The following GPR50 variants were observed in gnomAD, a reference collection of about 807,000 sequenced individuals.
GPR50 encodes the protein melatonin-related receptor.
Under a neutral mutation model 2.6 loss-of-function variants are expected in GPR50, and 1 was observed. That is an observed-to-expected ratio of 0.38 (90% confidence interval 0.13 to 1.79). The LOEUF is 1.79. Ranked by LOEUF, GPR50 falls within the 40% of genes most tolerant of loss-of-function variation. The probability of loss-of-function intolerance (pLI) is 0.33; values close to 1 mark genes in which losing one functional copy is unlikely to be tolerated. For missense variants in GPR50, 535 were observed against 522.1 expected (o/e 1.02, Z -0.24); for synonymous variants, 233 against 202.3 (o/e 1.15, Z -1.29).
rs1228745012 is a variant in GPR50, at chrX:151,176,613, G to A, written c.-109G>A. The A allele has an allele frequency of 1.4e-5, 7 of 492,212 alleles. No homozygotes were observed. The highest frequency in any genetic ancestry group is 2.4e-5 in the Non-Finnish European group (7 of 291,711). 40.6% of individuals were successfully genotyped at this position (492,212 alleles called of 1,213,427 possible). A position where few individuals can be genotyped will look rare whatever the true frequency, so the allele number is the denominator to read the frequency against. Reference sequence around the variant, plus strand: ...TCATTTGCTCTCTGACTCTCAGAGAGGGAGGCACGCTTTCCTGGAGCTCCT... The same window carrying A: ...TCATTTGCTCTCTGACTCTCAGAGAAGGAGGCACGCTTTCCTGGAGCTCCT... On this transcript the variant is annotated 5_prime_UTR_variant, in exon 1 of 2. Coordinates refer to ENST00000218316, the MANE Select transcript of GPR50 (RefSeq NM_004224.3).
At position 151,180,158 on chromosome X, in the gene GPR50, T is replaced by C. The variant is rs1192300901; in HGVS notation, c.575T>C (p.Ile192Thr). The C allele has an allele frequency of 1.7e-6, 2 of 1,205,240 alleles. No individual in the cohort carries two copies. Residue 192 changes from isoleucine to threonine, a missense_variant, in exon 2 of 2, where the codon ATC (isoleucine) becomes ACC (threonine). Ile to Thr is a moderately conservative substitution (Grantham distance 89). Transcript: ENST00000218316. ...AACAACCCTGTCTTCACTGTTACCA[T>C]CGTCTGCATCCACTTCGTCCTCCCT... The part of the protein sequence containing the change: ...YLNNPVFTVT[I>T]VCIHFVLPLL...
intron 1 of GPR50, among the ~76,000 whole-genome samples, chrX:151,178,223 G>A (rs2048692287): frequency 8.9e-6 from 1 of 112,208 alleles, no homozygotes; most frequent in African/African-American, 3.2e-5. Flanking sequence ...TACTTTGCTT[G>A]GGCAAGGAGT....
At position 151,180,590 on chromosome X, in the gene GPR50, C is replaced by A. The variant is rs200876781; in HGVS notation, c.1007C>A (p.Ala336Asp). The A allele has an allele frequency of 8.3e-7, 1 of 1,208,219 alleles. No homozygotes were observed. The highest frequency in any genetic ancestry group is 2.2e-5 in the Admixed American group (1 of 45,822). ...GAGATGCAGGAGGCCCGTACCCTGG[C>A]CCGCGCCCGTGCCCATGCTCGCGAC... is the stretch of plus-strand genomic sequence containing the variant. ...IREMQEARTLARARAHARDQA... is the reference protein window; with the variant it reads ...IREMQEARTLDRARAHARDQA... Residue 336 changes from alanine to aspartate, a missense_variant, in exon 2 of 2, where the codon GCC becomes GAC. Physicochemically the swap from Ala to Asp is moderately radical, Grantham distance 126. Coordinates refer to ENST00000218316, the MANE Select transcript of GPR50 (RefSeq NM_004224.3).
chrX:151,179,719 A>C (rs1442987024), intron 1 of GPR50, 52 bp from the exon 2 acceptor site: 15 of 897,410 alleles, frequency 1.7e-5, no homozygotes, highest in Non-Finnish European at 2.3e-5. Context: ...TACTTAAACC[A>C]CTTATTCTTC....
At position 151,176,595 on chromosome X, in the gene GPR50, C is replaced by T; in HGVS notation, c.-127C>T. 1 of 456,923 alleles carries T rather than the reference C, an allele frequency of 2.2e-6. No homozygotes were observed. The highest frequency in any genetic ancestry group is 4.1e-5 in the South Asian group (1 of 24,612). The allele number at this position is 456,923 out of a possible 1,213,427, so 37.7% of individuals were successfully genotyped here. On this transcript the variant is annotated 5_prime_UTR_variant, in exon 1 of 2. Transcript: ENST00000218316. Reference sequence around the variant, plus strand: ...GAGAGGGGCGGGATGCTGTCATTTGCTCTCTGACTCTCAGAGAGGGAGGCA... The same window carrying T: ...GAGAGGGGCGGGATGCTGTCATTTGTTCTCTGACTCTCAGAGAGGGAGGCA...
In GPR50 at chrX:151,180,925, G is replaced by A. The variant is rs374023233; in HGVS notation, c.1342G>A (p.Ala448Thr). Reference sequence around the variant, plus strand: ...TAAGCCTGCCTCTGTCCATTTCAAGGCTGACTCTGTCCATTTCAAGGGTGA... The same window carrying A: ...TAAGCCTGCCTCTGTCCATTTCAAGACTGACTCTGTCCATTTCAAGGGTGA... Reference protein sequence around the residue: ...YPKPASVHFKADSVHFKGDSV... With the variant: ...YPKPASVHFKTDSVHFKGDSV... Residue 448 changes from alanine (A) to threonine (T), a missense_variant, in exon 2 of 2, where the codon GCT (alanine) becomes ACT (threonine). Physicochemically the swap from Ala to Thr is moderately conservative, Grantham distance 58. Coordinates refer to ENST00000218316, the MANE Select transcript of GPR50 (RefSeq NM_004224.3). The A allele has an allele frequency of 8.3e-7, 1 of 1,208,200 alleles. No homozygotes were observed. The highest frequency in any genetic ancestry group is 1.8e-5 in the African/African-American group (1 of 56,511).
chrX:151,176,672 G>T lies in GPR50; in HGVS notation c.-50G>T, dbSNP rs759079526. The T allele has an allele frequency of 3.2e-6, 3 of 927,325 alleles. No individual in the cohort carries two copies. The South Asian group carries it at 7.2e-5, about 22-fold the overall frequency. The allele number at this position is 927,325 out of a possible 1,213,427, so 76.4% of individuals were successfully genotyped here. ...AACAGGTGTTTGCTGTCTGGACCTG[G>T]CTGCTGATCCTGAGCCTGCTGGGAG... On this transcript the variant is annotated 5_prime_UTR_variant, in exon 1 of 2. Coordinates refer to ENST00000218316, the MANE Select transcript of GPR50 (RefSeq NM_004224.3).
At chrX:151,181,673 A>G (rs1214834619), downstream of GPR50, among the ~76,000 whole-genome samples, 1 of 111,650 alleles carries the variant, frequency 9.0e-6, no homozygotes, top group Non-Finnish European at 1.9e-5. Context: ...CAAGTTTGAC[A>G]TCTGTTGTTC....
downstream of GPR50, chrX:151,181,518 T>G: frequency 4.6e-6 from 3 of 649,398 alleles, no homozygotes; most frequent in Non-Finnish European, 7.2e-6. Flanking sequence ...GATGCCTTAC[T>G]GCATCTAGAC....
Position 151,181,356 on chromosome X carries a change from T to C in GPR50, c.1773T>C (p.Thr591=). The C allele has an allele frequency of 8.3e-7, 1 of 1,199,139 alleles. No individual in the cohort carries two copies. Among genetic ancestry groups the C allele is most frequent in the Non-Finnish European group, 1.1e-6 (1 of 884,805 alleles). The change falls in exon 2 of 2, where the codon ACT becomes ACC. Residue 591 remains threonine (T), a synonymous_variant. Transcript: ENST00000218316. Reference sequence around the variant, plus strand: ...CCATCGCTGACCTTCCTGACCCTACTGTAGTCACTACCAGTACCAATGATT... The same window carrying C: ...CCATCGCTGACCTTCCTGACCCTACCGTAGTCACTACCAGTACCAATGATT... ...SDTIADLPDP[T]VVTTSTNDYH...
At position 151,176,779 on chromosome X, in the gene GPR50, C is replaced by G. The variant is rs1190783820; in HGVS notation, c.58C>G (p.Gln20Glu). Residue 20 changes from glutamine (Q) to glutamate (E), a missense_variant, in exon 1 of 2, where the codon CAG becomes GAG. Physicochemically the swap from Gln to Glu is conservative, Grantham distance 29 (BLOSUM62 2). Coordinates refer to ENST00000218316, the MANE Select transcript of GPR50 (RefSeq NM_004224.3). ...TGGCTGTATTGGCTGTAAGCTACCC[C>G]AGCCAGAATACCCACCGGCTCTAAT... The part of the protein sequence containing the change: ...PYGCIGCKLP[Q>E]PEYPPALIIF... The G allele has an allele frequency of 1.7e-6, 2 of 1,203,064 alleles. No individual in the cohort carries two copies. The highest frequency in any genetic ancestry group is 3.0e-5 in the East Asian group (1 of 33,585).
rs369378152 is a variant in GPR50 at position 151,180,401 on chromosome X, A to G, written c.818A>G (p.Asn273Ser). ...SPKEMAGKIP[N>S]WLYLAAYFIA... ...AAGGAGATGGCAGGCAAGATCCCCAACTGGCTTTATCTTGCAGCCTACTTC... is the reference window on the plus strand; with the variant it reads ...AAGGAGATGGCAGGCAAGATCCCCAGCTGGCTTTATCTTGCAGCCTACTTC... The change falls in exon 2 of 2, where the codon AAC (asparagine) becomes AGC (serine). Residue 273 changes from asparagine to serine, a missense_variant. Coordinates refer to ENST00000218316, the MANE Select transcript of GPR50 (RefSeq NM_004224.3). 1.3e-5 allele frequency: 16 copies of G among 1,208,670 alleles called. No individual in the cohort carries two copies. In the African/African-American group the frequency reaches 2.1e-4, roughly 16 times the overall value.
At chrX:151,177,597 C>T (rs1285518597) in intron 1 of GPR50, 2 of 113,567 alleles carry the variant, frequency 1.8e-5, no homozygotes, top group African/African-American at 3.2e-5. Context: ...GCACAGCAGG[C>T]GGTGGCAGCG....
downstream of GPR50, chrX:151,181,521 A>G: frequency 1.6e-6 from 1 of 623,195 alleles, no homozygotes. Context: ...GCCTTACTGC[A>G]TCTAGACACA....
At chrX:151,177,003 A>C (rs2124114969) in intron 1 of GPR50, 95 bp downstream of exon 1, 2 of 583,684 alleles carry the variant, frequency 3.4e-6, no homozygotes, top group East Asian at 6.8e-5. Flanking sequence ...ATCTATGGAC[A>C]GTGCCCTCAT....
chrX:151,181,281 C>A lies in GPR50; in HGVS notation c.1698C>A (p.Ser566Arg). 8.3e-7 allele frequency: 1 copy of A among 1,211,087 alleles called. No homozygotes were observed. The highest frequency in any genetic ancestry group is 1.1e-6 in the Non-Finnish European group (1 of 895,123). Residue 566 changes from serine to arginine, a missense_variant, in exon 2 of 2, where the codon AGC (serine) becomes AGA (arginine). Transcript: ENST00000218316. Reference sequence around the variant, plus strand: ...GTGACCTCCCTGAGTCGGCCTCTAGCCCTGCCGCTGGGCCCACCAAGCCTG... The same window carrying A: ...GTGACCTCCCTGAGTCGGCCTCTAGACCTGCCGCTGGGCCCACCAAGCCTG... ...DDSDLPESAS[S>R]PAAGPTKPAA... is the part of the protein sequence containing the mutation.
At chrX:151,178,924 C>T (rs1452553493) in intron 1 of GPR50, among the ~76,000 whole-genome samples, 1 of 112,376 alleles carries the variant, frequency 8.9e-6, no homozygotes, top group Non-Finnish European at 1.9e-5. Flanking sequence ...AAGTTCAGTG[C>T]CCGGCGCTGG....
downstream of GPR50, chrX:151,182,425 C>T (rs973204989): frequency 8.9e-6 from 1 of 111,803 alleles, no homozygotes; most frequent in Non-Finnish European, 1.9e-5. Flanking sequence ...TGCATTATTG[C>T]TTTCATTCAA....
chrX:151,180,580 C>G lies in GPR50; in HGVS notation c.997C>G (p.Arg333Gly), dbSNP rs200075966. 5.8e-6 allele frequency: 7 copies of G among 1,210,406 alleles called. No homozygotes were observed. The highest frequency in any genetic ancestry group is 7.8e-6 in the Non-Finnish European group (7 of 894,572). The change falls in exon 2 of 2, where the codon CGT (arginine) becomes GGT (glycine). Residue 333 changes from arginine to glycine, a missense_variant. Arg to Gly is a moderately radical substitution (Grantham distance 125). Coordinates refer to ENST00000218316, the MANE Select transcript of GPR50 (RefSeq NM_004224.3). ...TGATATTCGTGAGATGCAGGAGGCCCGTACCCTGGCCCGCGCCCGTGCCCA... is the reference window on the plus strand; with the variant it reads ...TGATATTCGTGAGATGCAGGAGGCCGGTACCCTGGCCCGCGCCCGTGCCCA... ...ISDIREMQEA[R>G]TLARARAHAR...
Sources: gnomAD v4.1 joint callset for allele counts (sites outside exome capture counted in the v4.1 genomes callset) on GRCh38, gnomAD v4.1.1 for gene constraint, MANE v1.5 for transcripts, NCBI Gene and HGNC (gene_info 2026-07-23, HGNC 2026-07-21) for gene names.